ADARB1: variants seen among roughly 807,000 people sequenced by gnomAD.
ADARB1 encodes the protein adenosine deaminase RNA specific B1.
A neutral mutation model predicts 52.4 loss-of-function variants in ADARB1; 10 were observed. The ratio of observed to expected loss-of-function variants is 0.19; its 90% CI spans 0.12 to 0.32. ADARB1 has a LOEUF of 0.32. ADARB1 is among the 10% of genes least tolerant of loss of function. The pLI is 1.00. For synonymous variants in ADARB1, 349 were observed against 371.1 expected (o/e 0.94, Z 0.68); for missense variants, 643 against 922.3 (o/e 0.70, Z 3.92).
intron 2 of ADARB1, among the ~76,000 whole-genome samples, chr21:45,153,160 G>A (rs529646789): frequency 6.6e-6 from 1 of 152,282 alleles, no homozygotes; most frequent in Non-Finnish European, 1.5e-5. Flanking sequence ...TAAAAGAATG[G>A]AGAGCAAATT....
At chr21:45,207,235 ATATCT>A (rs1485770285) in intron 9 of ADARB1, among the ~76,000 whole-genome samples, 1 of 152,274 alleles carries the variant, frequency 6.6e-6, no homozygotes, top group Non-Finnish European at 1.5e-5. Context: ...ACTATTTGAA[ATATCT>A]TATTTTTGGT....
At chr21:45,141,579 G>A (rs2145898703) in intron 2 of ADARB1, among the ~76,000 whole-genome samples, 1 of 152,254 alleles carries the variant, frequency 6.6e-6, no homozygotes, top group Admixed American at 6.5e-5. Flanking sequence ...CTAGGTTTGA[G>A]TTGTCCTCTG....
At chr21:45,115,012 C>T (rs938496807) in intron 1 of ADARB1, among the ~76,000 whole-genome samples, 1 of 152,212 alleles carries the variant, frequency 6.6e-6, no homozygotes, top group Non-Finnish European at 1.5e-5. Context: ...AGCAAAGTGG[C>T]ATGATCTTTT....
In ADARB1 at chr21:45,130,580, TTTAAATAAAA is replaced by T. The variant is rs368051168; in HGVS notation, c.-48+2008_-48+2017del. 1.3e-3 allele frequency among the ~76,000 whole-genome samples: 194 copies of T among 152,312 alleles called. 1 individual carries two copies. Among genetic ancestry groups the T allele is most frequent in the Admixed American group, 2.0e-3 (31 of 15,302 alleles). On this transcript the variant is annotated intron_variant, in intron 2 of 10. Transcript: ENST00000348831. ...TTATTCTTTTCCCTTTTCAGGGTGG[TTTAAATAAAA>T]ATAAATAAACATGAAAGATTTTGGC... is the stretch of plus-strand genomic sequence containing the variant.
At chr21:45,138,059 T>C (rs2089492532) in intron 2 of ADARB1, among the ~76,000 whole-genome samples, 1 of 152,188 alleles carries the variant, frequency 6.6e-6, no homozygotes, top group African/African-American at 2.4e-5. Context: ...CTCAGTGGCA[T>C]CACTGATTTT....
At chr21:45,097,735 T>C (rs2086827479) in intron 1 of ADARB1, among the ~76,000 whole-genome samples, 1 of 152,084 alleles carries the variant, frequency 6.6e-6, no homozygotes, top group Non-Finnish European at 1.5e-5. Context: ...TGTTTGGGTA[T>C]GCTGACTTGG....
intron 2 of ADARB1, among the ~76,000 whole-genome samples, chr21:45,169,725 A>G (rs1360094763): frequency 6.6e-6 from 1 of 152,240 alleles, no homozygotes; most frequent in East Asian, 1.9e-4. Context: ...CTATTTGGAC[A>G]GGCTTATTCG....
In ADARB1 at chr21:45,203,640, A is replaced by G. The variant is rs145194997; in HGVS notation, c.1566-915A>G. ...AATGAATACCTAAGTTGCCATTGGC[A>G]TGCATCATTGGTGTCATGCATGTCA... On this transcript the variant is annotated intron_variant, in intron 8 of 10. Coordinates refer to ENST00000348831, the MANE Select transcript of ADARB1 (RefSeq NM_001112.4). 2.8e-4 allele frequency among the ~76,000 whole-genome samples: 43 copies of G among 152,338 alleles called. 2 individuals carry two copies. In the East Asian group the frequency reaches 7.9e-3, roughly 28 times the overall value.
intron 1 of ADARB1, among the ~76,000 whole-genome samples, chr21:45,078,057 T>C (rs1329741400): frequency 6.6e-6 from 1 of 152,198 alleles, no homozygotes; most frequent in Non-Finnish European, 1.5e-5. Flanking sequence ...TATCACAATT[T>C]TTTTTTTTTG....
intron 1 of ADARB1, chr21:45,117,188 A>G (rs2087876550): frequency 6.6e-6 from 1 of 152,202 alleles, no homozygotes; most frequent in African/African-American, 2.4e-5. Flanking sequence ...GTTCTATCAG[A>G]TGCTCTTCCC....
At chr21:45,159,164 A>G (rs1040280010) in intron 2 of ADARB1, among the ~76,000 whole-genome samples, 6 of 152,208 alleles carry the variant, frequency 3.9e-5, no homozygotes, top group African/African-American at 7.2e-5. Flanking sequence ...TCACCGTTCC[A>G]CATGACTGCA....
chr21:45,215,308 A>G (rs143764284), intron 9 of ADARB1, among the ~76,000 whole-genome samples: 195 of 152,280 alleles, frequency 1.3e-3, no homozygotes, highest in African/African-American at 4.5e-3. Flanking sequence ...TCAGTCTCCC[A>G]AAGTGCTGAG....
intron 2 of ADARB1, among the ~76,000 whole-genome samples, chr21:45,165,082 C>A (rs566375559): frequency 6.6e-6 from 1 of 152,176 alleles, no homozygotes; most frequent in South Asian, 2.1e-4. Context: ...ACCAGGCCCA[C>A]CCCCGCCCAG....
At chr21:45,140,099 A>G (rs2089638766) in intron 2 of ADARB1, among the ~76,000 whole-genome samples, 1 of 151,890 alleles carries the variant, frequency 6.6e-6, no homozygotes, top group Non-Finnish European at 1.5e-5. Flanking sequence ...GCCCGCCACC[A>G]TGCCCGGCTA....
At position 45,221,165 on chromosome 21, in the gene ADARB1, T is replaced by C. The variant is rs987479270; in HGVS notation, c.1926+151T>C. 3.7e-6 allele frequency: 4 copies of C among 1,080,678 alleles called. No individual in the cohort carries two copies. Among genetic ancestry groups the C allele is most frequent in the African/African-American group, 3.2e-5 (2 of 63,040 alleles). The allele number at this position is 1,080,678 out of a possible 1,614,324, so 66.9% of individuals were successfully genotyped here. A position where few individuals can be genotyped will look rare whatever the true frequency, so the allele number is the denominator to read the frequency against. The stretch of plus-strand genomic sequence containing the variant: ...GGAATGATTCTTCCTTCAGATTGTT[T>C]TAGCTTAGAAGTGTGGCTACGTCCC... On this transcript the variant is annotated intron_variant, in intron 10 of 10. Transcript: ENST00000348831. This position sits in a 1 kb window ranked among gnomAD's most constrained non-coding sequence, Gnocchi z 4.9.
intron 1 of ADARB1, among the ~76,000 whole-genome samples, chr21:45,094,576 T>C (rs1179150850): frequency 1.3e-5 from 2 of 152,144 alleles, no homozygotes; most frequent in Admixed American, 6.5e-5. Flanking sequence ...CCGAGCACTA[T>C]GTCTGCTTGT....
chr21:45,178,138 G>A (rs2091775369), intron 4 of ADARB1, among the ~76,000 whole-genome samples: 1 of 152,230 alleles, frequency 6.6e-6, no homozygotes, highest in Non-Finnish European at 1.5e-5. Flanking sequence ...GATCCCAGAT[G>A]TCTGAACCTT....
rs1175801241 is a variant in ADARB1 at position 45,172,755 on chromosome 21, C to T, written c.28+1071C>T. Among the ~76,000 whole-genome samples the T allele has an allele frequency of 6.6e-6, 1 of 152,190 alleles. No homozygotes were observed. The highest frequency in any genetic ancestry group is 1.9e-4 in the East Asian group (1 of 5,198). Reference sequence around the variant, plus strand: ...GGTGAGACCACCTCCTGCAGTGCTACCCAGGAACCACGGGACCAGCGTGCT... The same window carrying T: ...GGTGAGACCACCTCCTGCAGTGCTATCCAGGAACCACGGGACCAGCGTGCT... On this transcript the variant is annotated intron_variant, in intron 3 of 10. Coordinates refer to ENST00000348831, the MANE Select transcript of ADARB1 (RefSeq NM_001112.4). This position sits in a 1 kb window ranked among gnomAD's most constrained non-coding sequence, Gnocchi z 4.4.
At chr21:45,131,979 G>T (rs1001166776) in intron 2 of ADARB1, among the ~76,000 whole-genome samples, 1 of 152,218 alleles carries the variant, frequency 6.6e-6, no homozygotes, top group Non-Finnish European at 1.5e-5. Context: ...GCCAATGAGG[G>T]CCTTCGAATG....
Sources: gnomAD v4.1 joint callset for allele counts (sites outside exome capture counted in the v4.1 genomes callset) on GRCh38, gnomAD v4.1.1 for gene constraint, Gnocchi (gnomAD v3.1) non-coding constraint, MANE v1.5 for transcripts, NCBI Gene and HGNC (gene_info 2026-07-23, HGNC 2026-07-21) for gene names.